The following TMLHE variants were observed in gnomAD, a reference collection of about 807,000 sequenced individuals.
The protein encoded by TMLHE is trimethyllysine dioxygenase, mitochondrial.
In TMLHE, 18 loss-of-function variants were observed where a neutral mutation model predicts 25.7. The ratio of observed to expected loss-of-function variants is 0.70; its 90% CI spans 0.48 to 1.04. TMLHE has a LOEUF of 1.04. Ranked by LOEUF, TMLHE falls within the 50% of genes least tolerant of loss-of-function variation. The pLI, the probability that TMLHE is intolerant of heterozygous loss-of-function variation, is 0.00. For missense variants in TMLHE, 236 were observed against 259.0 expected, an observed-to-expected ratio of 0.91 and a Z score of 0.61; for synonymous variants, 105 against 97.0, an observed-to-expected ratio of 1.08 and a Z score of -0.49.
chrX:155,548,719 AG>A (rs1557339478), intron 1 of TMLHE, among the ~76,000 whole-genome samples: 19 of 105,270 alleles, frequency 1.8e-4, no homozygotes, highest in African/African-American at 7.0e-4. Flanking sequence ...TGGGCGACAG[AG>A]TGAGACTCTG....
chrX:155,542,962 A>G (rs2067321840), intron 2 of TMLHE, among the ~76,000 whole-genome samples: 2 of 110,756 alleles, frequency 1.8e-5, no homozygotes, highest in Admixed American at 1.9e-4. Flanking sequence ...GTGTTTATTT[A>G]TAATGCATTT....
chrX:155,524,901 G>A (rs2067209997), intron 2 of TMLHE, among the ~76,000 whole-genome samples: 1 of 111,852 alleles, frequency 8.9e-6, no homozygotes, highest in Middle Eastern at 4.6e-3. Flanking sequence ...GTAATAAAGT[G>A]ACAGCAAAAG....
intron 2 of TMLHE, among the ~76,000 whole-genome samples, chrX:155,532,829 C>T (rs1457666383): frequency 1.8e-5 from 2 of 110,618 alleles, no homozygotes; most frequent in African/African-American, 6.6e-5. Context: ...AGATGATGCA[C>T]AGTTCAACAA....
intron 1 of TMLHE, among the ~76,000 whole-genome samples, chrX:155,582,041 T>C (rs1178487832): frequency 8.9e-6 from 1 of 112,131 alleles, no homozygotes; most frequent in Non-Finnish European, 1.9e-5. Flanking sequence ...CCATCTGATC[T>C]TTGACAAACG....
At chrX:155,539,558 T>G (rs1466334795) in intron 2 of TMLHE, among the ~76,000 whole-genome samples, 1 of 111,839 alleles carries the variant, frequency 8.9e-6, no homozygotes, top group Non-Finnish European at 1.9e-5. Context: ...CCTCCTTGTA[T>G]GCAACCAGAC....
At chrX:155,593,430 T>C (rs1405574140) in intron 1 of TMLHE, among the ~76,000 whole-genome samples, 3 of 111,771 alleles carry the variant, frequency 2.7e-5, no homozygotes, top group Non-Finnish European at 5.6e-5. Flanking sequence ...GGCTAGACAA[T>C]AGTGAAGGTC....
chrX:155,539,662 T>C (rs781921122), intron 2 of TMLHE, among the ~76,000 whole-genome samples: 1 of 111,133 alleles, frequency 9.0e-6, no homozygotes, highest in South Asian at 3.8e-4. Flanking sequence ...TGTGGACTAT[T>C]CAAAGGAATA....
At chrX:155,578,667 C>T (rs55650645) in intron 1 of TMLHE, among the ~76,000 whole-genome samples, 1,909 of 111,442 alleles carry the variant, frequency 0.017, 34 homozygotes, top group African/African-American at 0.059. Flanking sequence ...CCCATAAACC[C>T]GGCCAAACAT....
rs186419270 is a variant in TMLHE, at chrX:155,560,139, C to T, written c.-1-14862G>A. 3.6e-4 allele frequency among the ~76,000 whole-genome samples: 40 copies of T among 112,028 alleles called. No individual in the cohort carries two copies. The East Asian group carries it at 8.7e-3, about 24-fold the overall frequency. On this transcript the variant is annotated intron_variant, in intron 1 of 7. Transcript: ENST00000334398. ...CATCTCTTTACAATTGCACTCAGGG[C>T]GTTACATAATCTATCTTGCCCCACC...
chrX:155,560,301 ATTAG>A (rs1444610301), intron 1 of TMLHE, among the ~76,000 whole-genome samples: 3 of 110,674 alleles, frequency 2.7e-5, no homozygotes, highest in African/African-American at 9.8e-5. Context: ...TAACTAATTA[ATTAG>A]TTAATCATTT....
chrX:155,550,588 A>G (rs1021908556), intron 1 of TMLHE, among the ~76,000 whole-genome samples: 2 of 111,096 alleles, frequency 1.8e-5, no homozygotes, highest in East Asian at 2.8e-4. Flanking sequence ...CAATGAAGCA[A>G]TTCCTGAAGC....
chrX:155,547,385 C>T (rs782539352), intron 1 of TMLHE, among the ~76,000 whole-genome samples: 2 of 109,959 alleles, frequency 1.8e-5, no homozygotes, highest in South Asian at 3.9e-4. Context: ...ACCTCGTGAT[C>T]CGCCGCCTCA....
At chrX:155,547,453 C>G (rs922100565) in intron 1 of TMLHE, among the ~76,000 whole-genome samples, 2 of 112,042 alleles carry the variant, frequency 1.8e-5, no homozygotes, top group Non-Finnish European at 3.8e-5. Flanking sequence ...ATAATAGGTA[C>G]TTTCTTAAGT....
intron 1 of TMLHE, among the ~76,000 whole-genome samples, chrX:155,610,087 C>T (rs1290569962): frequency 8.9e-6 from 1 of 112,067 alleles, no homozygotes; most frequent in Non-Finnish European, 1.9e-5. Context: ...TGCACACAAA[C>T]GTTCATAGCA....
chrX:155,568,096 G>A (rs191185762), intron 1 of TMLHE, among the ~76,000 whole-genome samples: 833 of 61,377 alleles, frequency 0.014, 97 homozygotes, highest in African/African-American at 0.028. Context: ...AGAAAGGGGT[G>A]ACAGATGGCA....
chrX:155,546,876 A>T (rs1364347637), intron 1 of TMLHE, among the ~76,000 whole-genome samples: 1 of 111,403 alleles, frequency 9.0e-6, no homozygotes, highest in African/African-American at 3.3e-5. Flanking sequence ...AATGGATTTT[A>T]TATTTTTTAA....
At chrX:155,524,117 T>C (rs782291700) in intron 3 of TMLHE, among the ~76,000 whole-genome samples, 21 of 111,575 alleles carry the variant, frequency 1.9e-4, no homozygotes, top group African/African-American at 6.5e-4. Flanking sequence ...ATGAATTTTA[T>C]TAATTTTTCT....
rs2067608384 is a variant in TMLHE at position 155,579,022 on chromosome X, CA to C, written c.-1-33746del. On this transcript the variant is annotated intron_variant, in intron 1 of 7. Transcript: ENST00000334398. ...AAGGAAATCCCATTTACAATAGCTA[CA>C]AAAAATAAAATAGTAAGGAATATAT... Among the ~76,000 whole-genome samples the C allele has an allele frequency of 6.3e-5, 7 of 111,527 alleles. No individual in the cohort carries two copies. The Admixed American group carries it at 6.7e-4, about 11-fold the overall frequency.
rs1384950107 is a variant in TMLHE at position 155,562,260 on chromosome X, G to A, written c.-1-16983C>T. Among the ~76,000 whole-genome samples, 3 of 62,086 alleles carry A rather than the reference G, an allele frequency of 4.8e-5. 1 individual carries two copies. The highest frequency in any genetic ancestry group is 9.0e-5 in the Non-Finnish European group (2 of 22,113). 53.9% of individuals were successfully genotyped at this position (62,086 alleles called of 115,157 possible). A position where few individuals can be genotyped will look rare whatever the true frequency, so the allele number is the denominator to read the frequency against. ...CCCAACACCACATGGCAATTACCAG[G>A]GCTTGGGGCTTGCATCCTCTGAAGC... On this transcript the variant is annotated intron_variant, in intron 1 of 7. Transcript: ENST00000334398.
Sources: allele counts gnomAD v4.1 joint callset (sites outside exome capture counted in the v4.1 genomes callset), GRCh38; gene constraint gnomAD v4.1.1; transcripts MANE v1.5; gene names NCBI Gene and HGNC (gene_info 2026-07-23, HGNC 2026-07-21).